CCDC92B: variants seen among roughly 807,000 people sequenced by gnomAD.
The protein encoded by CCDC92B is coiled-coil domain containing 92B, also known as coiled-coil domain-containing 92B.
In CCDC92B, 2 loss-of-function variants were observed where a neutral mutation model predicts 5.6. The ratio of observed to expected loss-of-function variants is 0.36; its 90% CI spans 0.15 to 1.12. The LOEUF is 1.12. CCDC92B is among the 50% of genes most tolerant of loss of function. The pLI is 0.40. For synonymous variants in CCDC92B, 115 were observed against 122.3 expected (o/e 0.94, Z 0.39); for missense variants, 271 against 262.2 (o/e 1.03, Z -0.23).
chr17:2,727,839 G>GA (rs2070750938), intron 3 of CCDC92B, among the ~76,000 whole-genome samples: 1 of 142,634 alleles, frequency 7.0e-6, no homozygotes, highest in Non-Finnish European at 1.6e-5. Flanking sequence ...AAAAAAAAAC[G>GA]AAAGAGGACA....
intron 1 of CCDC92B, among the ~76,000 whole-genome samples, chr17:2,739,016 A>G (rs961357134): frequency 6.6e-6 from 1 of 151,780 alleles, no homozygotes; most frequent in African/African-American, 2.4e-5. Context: ...AGTTGCAGTG[A>G]GCTGAGATCG....
At position 2,724,244 on chromosome 17, in the gene CCDC92B, T is replaced by C; in HGVS notation, c.*167A>G. The C allele has an allele frequency of 1.0e-6, 1 of 985,066 alleles. No individual in the cohort carries two copies. The highest frequency in any genetic ancestry group is 1.2e-6 in the Non-Finnish European group (1 of 829,764). 61.0% of individuals were successfully genotyped at this position (985,066 alleles called of 1,614,324 possible). A position where few individuals can be genotyped will look rare whatever the true frequency, so the allele number is the denominator to read the frequency against. On this transcript the variant is annotated 3_prime_UTR_variant, in exon 4 of 4. Coordinates refer to ENST00000614400, the MANE Select transcript of CCDC92B (RefSeq NM_001355573.2). This position sits in a 1 kb window ranked among gnomAD's most constrained non-coding sequence, Gnocchi z 5.0. ...TCGAAGCTTTGGAAACGTCGGGAAG[T>C]ACAAAAGGCTGGCGGTTCGGGGATT...
chr17:2,735,736 T>G (rs1279720826), intron 1 of CCDC92B, among the ~76,000 whole-genome samples: 1 of 152,124 alleles, frequency 6.6e-6, no homozygotes, highest in East Asian at 1.9e-4. Context: ...CAGGCCCATA[T>G]AACTTTAGCC....
rs574815029 is a variant in CCDC92B, at chr17:2,720,998, A to G, written c.*3413T>C. On this transcript the variant is annotated 3_prime_UTR_variant, in exon 4 of 4. Transcript: ENST00000614400. ...GGGTTTGAAGCCCTGCACATCCCCC[A>G]TTCAAGGCTGGCATGTCCAGGAGAA... 6 of 152,268 alleles carry G rather than the reference A, an allele frequency of 3.9e-5. No homozygotes were observed. The South Asian group carries it at 1.0e-3, about 26-fold the overall frequency. The allele number at this position is 152,268 out of a possible 1,614,324, so 9.4% of individuals were successfully genotyped here.
intron 1 of CCDC92B, among the ~76,000 whole-genome samples, chr17:2,748,736 C>G (rs2071018412): frequency 6.6e-6 from 1 of 152,220 alleles, no homozygotes; most frequent in Non-Finnish European, 1.5e-5. Flanking sequence ...GGTCCCTCAA[C>G]CCCACATCCT....
chr17:2,736,834 T>C (rs114955494), intron 1 of CCDC92B, among the ~76,000 whole-genome samples: 1,516 of 150,938 alleles, frequency 0.01, 37 homozygotes, highest in African/African-American at 0.034. Flanking sequence ...TGAGCCAACA[T>C]TGCACCACTG....
chr17:2,743,430 CA>C (rs1230081449), intron 1 of CCDC92B, among the ~76,000 whole-genome samples: 1 of 152,196 alleles, frequency 6.6e-6, no homozygotes. Flanking sequence ...GACTCCGTCT[CA>C]AAACAATAAC....
At chr17:2,727,697 G>A (rs937728226) in intron 3 of CCDC92B, among the ~76,000 whole-genome samples, 1 of 152,050 alleles carries the variant, frequency 6.6e-6, no homozygotes, top group Non-Finnish European at 1.5e-5. Flanking sequence ...GGTGGTGTGC[G>A]CCTGTGATCC....
At chr17:2,740,129 G>A (rs1470807279) in intron 1 of CCDC92B, among the ~76,000 whole-genome samples, 1 of 152,070 alleles carries the variant, frequency 6.6e-6, no homozygotes, top group Non-Finnish European at 1.5e-5. Context: ...GTAACTTTTA[G>A]GCTGTAACTT....
At chr17:2,727,429 G>A (rs1481935085) in intron 3 of CCDC92B, among the ~76,000 whole-genome samples, 2 of 152,162 alleles carry the variant, frequency 1.3e-5, no homozygotes, top group Non-Finnish European at 2.9e-5. Flanking sequence ...GCTCCATCTC[G>A]GCAGGACCAT....
intron 3 of CCDC92B, among the ~76,000 whole-genome samples, chr17:2,729,082 G>A (rs1306183489): frequency 6.6e-6 from 1 of 151,902 alleles, no homozygotes; most frequent in Non-Finnish European, 1.5e-5. Context: ...ATTTTGTCCA[G>A]GCTGGTCTTG....
At chr17:2,725,293 G>A (rs2070714892) in intron 3 of CCDC92B, among the ~76,000 whole-genome samples, 1 of 152,000 alleles carries the variant, frequency 6.6e-6, no homozygotes, top group South Asian at 2.1e-4. Context: ...TGAGACAGGG[G>A]ACTCGCTTGA....
intron 1 of CCDC92B, among the ~76,000 whole-genome samples, chr17:2,749,083 G>A (rs573220346): frequency 7.2e-5 from 11 of 152,194 alleles, no homozygotes; most frequent in Middle Eastern, 3.2e-3. Flanking sequence ...AGGGGTTGGG[G>A]GGGGGATGTG....
chr17:2,741,644 G>A (rs2070927862), intron 1 of CCDC92B, among the ~76,000 whole-genome samples: 1 of 145,942 alleles, frequency 6.9e-6, no homozygotes, highest in Non-Finnish European at 1.5e-5. Context: ...CCAGGCTGGA[G>A]TGCAGTGGTG....
At chr17:2,741,985 C>CA (rs544103814) in intron 1 of CCDC92B, among the ~76,000 whole-genome samples, 897 of 73,350 alleles carry the variant, frequency 0.012, 5 homozygotes, top group South Asian at 0.017. Flanking sequence ...GACTCCATCT[C>CA]AAAAAAAAAA....
At chr17:2,736,985 G>A (rs1597241518) in intron 1 of CCDC92B, among the ~76,000 whole-genome samples, 1 of 151,458 alleles carries the variant, frequency 6.6e-6, no homozygotes, top group Admixed American at 6.6e-5. Flanking sequence ...CTCATGCAGT[G>A]ACTCCCATGG....
chr17:2,727,899 G>C (rs959042185), intron 3 of CCDC92B, among the ~76,000 whole-genome samples: 3 of 151,950 alleles, frequency 2.0e-5, no homozygotes, highest in East Asian at 3.9e-4. Context: ...CAGTGACTCA[G>C]GGGAGGGCTG....
At position 2,721,496 on chromosome 17, in the gene CCDC92B, C is replaced by G. The variant is rs1056131312; in HGVS notation, c.*2915G>C. ...GGCCAGGTGGGCTCTCAAGCCAGACCCAGGGAGGGTGGGGCCTCTCCAGGG... is the reference window on the plus strand; with the variant it reads ...GGCCAGGTGGGCTCTCAAGCCAGACGCAGGGAGGGTGGGGCCTCTCCAGGG... On this transcript the variant is annotated 3_prime_UTR_variant, in exon 4 of 4. Transcript: ENST00000614400. The G allele has an allele frequency of 3.9e-5, 6 of 152,242 alleles. No individual in the cohort carries two copies. Among genetic ancestry groups the G allele is most frequent in the Admixed American group, 3.9e-4 (6 of 15,264 alleles). The allele number at this position is 152,242 out of a possible 1,614,324, so 9.4% of individuals were successfully genotyped here.
chr17:2,734,731 G>T (rs372427255), intron 2 of CCDC92B, among the ~76,000 whole-genome samples: 3 of 151,538 alleles, frequency 2.0e-5, no homozygotes, highest in Non-Finnish European at 4.4e-5. Flanking sequence ...CTCGTGATCC[G>T]CCCGCCTCGG....
Sources: gnomAD v4.1 joint callset for allele counts (sites outside exome capture counted in the v4.1 genomes callset) on GRCh38, gnomAD v4.1.1 for gene constraint, Gnocchi (gnomAD v3.1) non-coding constraint, MANE v1.5 for transcripts, NCBI Gene and HGNC (gene_info 2026-07-23, HGNC 2026-07-21) for gene names.